KMT5A: variants seen among roughly 807,000 people sequenced by gnomAD.
KMT5A encodes the protein N-lysine methyltransferase KMT5A.
KMT5A carries 6 observed loss-of-function variants against 40.6 expected under a neutral mutation model. That is an observed-to-expected ratio of 0.15 (90% confidence interval 0.08 to 0.29). The LOEUF (loss-of-function observed/expected upper bound fraction) is 0.29. Ranked by LOEUF, KMT5A falls within the 10% of genes least tolerant of loss-of-function variation. The probability of loss-of-function intolerance (pLI) is 1.00; values close to 1 mark genes in which losing one functional copy is unlikely to be tolerated. For synonymous variants in KMT5A, 153 were observed against 178.8 expected (o/e 0.86, Z 1.15); for missense variants, 308 against 459.1 (o/e 0.67, Z 3.01).
intron 5 of KMT5A, among the ~76,000 whole-genome samples, chr12:123,397,038 T>C (rs1877781311): frequency 6.6e-6 from 1 of 152,254 alleles, no homozygotes; most frequent in Non-Finnish European, 1.5e-5. Context: ...GCCAGCTAAC[T>C]GTTACTATCG....
chr12:123,403,238 A>AT (rs1298674527), intron 5 of KMT5A, among the ~76,000 whole-genome samples: 1 of 152,198 alleles, frequency 6.6e-6, no homozygotes, highest in East Asian at 1.9e-4. Flanking sequence ...CAGAGGCCTG[A>AT]TTTTCAGGTG....
At chr12:123,397,196 C>T (rs1877795172) in intron 5 of KMT5A, among the ~76,000 whole-genome samples, 1 of 152,270 alleles carries the variant, frequency 6.6e-6, no homozygotes, top group Admixed American at 6.5e-5. Flanking sequence ...GAGGGTTGAG[C>T]TATGCGGCAG....
Position 123,389,503 on chromosome 12 carries a change from G to A in KMT5A, c.81G>A (p.Pro27=). Reference sequence around the variant, plus strand: ...CGGCGGCGGTGGCAGCGACGGCCCCGGGCCCGGAGATGGTGGAGCGGAGGG... The same window carrying A: ...CGGCGGCGGTGGCAGCGACGGCCCCAGGCCCGGAGATGGTGGAGCGGAGGG... ...AAAAAVAATA[P]GPEMVERRGP... The change falls in exon 2 of 8, where the codon CCG becomes CCA. Residue 27 remains proline (P), a synonymous_variant. Transcript: ENST00000402868. 8.9e-7 allele frequency: 1 copy of A among 1,126,000 alleles called. No individual in the cohort carries two copies. The allele number at this position is 1,126,000 out of a possible 1,614,324, so 69.8% of individuals were successfully genotyped here. A position where few individuals can be genotyped will look rare whatever the true frequency, so the allele number is the denominator to read the frequency against.
chr12:123,398,730 C>T (rs1877932142), intron 5 of KMT5A, among the ~76,000 whole-genome samples: 1 of 152,164 alleles, frequency 6.6e-6, no homozygotes, highest in East Asian at 1.9e-4. Flanking sequence ...TAGAGCTGGT[C>T]AGGGTGGAAT....
At chr12:123,391,861 G>GA (rs1877342663) in intron 3 of KMT5A, among the ~76,000 whole-genome samples, 1 of 152,254 alleles carries the variant, frequency 6.6e-6, no homozygotes, top group Non-Finnish European at 1.5e-5. Flanking sequence ...GGCCGGATCT[G>GA]AGAACCAGGG....
At chr12:123,401,908 G>A (rs1878210846) in intron 5 of KMT5A, among the ~76,000 whole-genome samples, 1 of 150,264 alleles carries the variant, frequency 6.7e-6, no homozygotes, top group South Asian at 2.1e-4. Context: ...TTTAAGACAG[G>A]GTCTCACTCT....
chr12:123,402,255 C>T (rs1878235772), intron 5 of KMT5A, among the ~76,000 whole-genome samples: 1 of 152,208 alleles, frequency 6.6e-6, no homozygotes, highest in South Asian at 2.1e-4. Flanking sequence ...GAGTGAAAGC[C>T]TGGTGACTAG....
intron 4 of KMT5A, 91 bp downstream of exon 4, chr12:123,395,357 G>C (rs1172721844): frequency 7.9e-7 from 1 of 1,270,192 alleles, no homozygotes; most frequent in Non-Finnish European, 1.1e-6. Flanking sequence ...TGGGGGTTCA[G>C]TGGCCACCTC....
intron 1 of KMT5A, chr12:123,388,710 C>T (rs1335488051): frequency 6.9e-5 from 8 of 115,766 alleles, no homozygotes; most frequent in Non-Finnish European, 1.4e-4. Context: ...ACCGGGTTCC[C>T]AAAATATCCG....
intron 2 of KMT5A, 129 bp from the exon 3 acceptor site, chr12:123,390,501 C>T: frequency 1.8e-6 from 2 of 1,130,018 alleles, no homozygotes; most frequent in South Asian, 1.5e-5. Context: ...TGGGGGCTGG[C>T]ATCCCCTGGT....
chr12:123,384,198 C>T lies in KMT5A; in HGVS notation c.-1C>T, dbSNP rs370843462. Reference sequence around the variant, plus strand: ...ATCCCAGGCGGTGACAGAGTGGAGCCATGGCTAGAGGTATTTGCCCAAGTG... The same window carrying T: ...ATCCCAGGCGGTGACAGAGTGGAGCTATGGCTAGAGGTATTTGCCCAAGTG... On this transcript the variant is annotated 5_prime_UTR_variant, in exon 1 of 8. Transcript: ENST00000402868. The surrounding 1 kb of genome is among the most constrained non-coding windows in gnomAD (Gnocchi z 5.7). 121 of 1,613,716 alleles carry T rather than the reference C, an allele frequency of 7.5e-5. No individual in the cohort carries two copies. In the East Asian group the frequency reaches 1.7e-3, roughly 23 times the overall value.
intron 6 of KMT5A, among the ~76,000 whole-genome samples, chr12:123,404,448 T>C (rs1483833020): frequency 6.6e-6 from 1 of 152,218 alleles, no homozygotes; most frequent in Non-Finnish European, 1.5e-5. Flanking sequence ...GCCTGCTGTT[T>C]GCCTAGGAAG....
chr12:123,400,317 G>A (rs1878053843), intron 5 of KMT5A, among the ~76,000 whole-genome samples: 1 of 151,460 alleles, frequency 6.6e-6, no homozygotes, highest in Non-Finnish European at 1.5e-5. Flanking sequence ...TTACAGGCGT[G>A]AGCCACCGTG....
intron 3 of KMT5A, 125 bp from the exon 4 acceptor site, chr12:123,394,922 G>C: frequency 1.2e-6 from 1 of 863,168 alleles, no homozygotes; most frequent in Non-Finnish European, 1.8e-6. Flanking sequence ...AACAGGCCAA[G>C]GGCACTCCTG....
intron 1 of KMT5A, among the ~76,000 whole-genome samples, chr12:123,386,804 T>C (rs1393655682): frequency 6.6e-6 from 1 of 152,148 alleles, no homozygotes; most frequent in Admixed American, 6.6e-5. Context: ...CATTTTGCCA[T>C]CTTCAGTTCA....
chr12:123,388,003 A>G (rs1189842331), intron 1 of KMT5A, among the ~76,000 whole-genome samples: 1 of 152,210 alleles, frequency 6.6e-6, no homozygotes, highest in Non-Finnish European at 1.5e-5. Context: ...ACTTTGCACA[A>G]ATACAGTGAA....
chr12:123,405,576 G>C (rs1193130131), intron 7 of KMT5A, among the ~76,000 whole-genome samples: 1 of 142,272 alleles, frequency 7.0e-6, no homozygotes, highest in Non-Finnish European at 1.5e-5. Context: ...CTGGAGTGCA[G>C]TGGCACAATC....
intron 4 of KMT5A, among the ~76,000 whole-genome samples, chr12:123,396,144 C>G (rs1733372404): frequency 2.6e-5 from 4 of 152,186 alleles, no homozygotes; most frequent in South Asian, 2.1e-4. Context: ...CTGCGCCCAG[C>G]CAGCAGCCCG....
intron 1 of KMT5A, among the ~76,000 whole-genome samples, chr12:123,387,087 T>A (rs1311216256): frequency 3.3e-5 from 5 of 152,050 alleles, no homozygotes; most frequent in Non-Finnish European, 7.4e-5. Flanking sequence ...AAACTCCTGA[T>A]TTCAGGTGAT....
Sources: gnomAD v4.1 joint callset for allele counts (sites outside exome capture counted in the v4.1 genomes callset) on GRCh38, gnomAD v4.1.1 for gene constraint, Gnocchi (gnomAD v3.1) non-coding constraint, MANE v1.5 for transcripts, NCBI Gene and HGNC (gene_info 2026-07-23, HGNC 2026-07-21) for gene names.